Variants in WDFY3 observed in about 807,000 individuals in gnomAD.
WDFY3 encodes the protein WD repeat and FYVE domain containing 3, also known as WD repeat and FYVE domain-containing protein 3.
In WDFY3, 66 loss-of-function variants were observed where a neutral mutation model predicts 409.6. The ratio of observed to expected loss-of-function variants is 0.16; its 90% CI spans 0.13 to 0.20. The LOEUF (loss-of-function observed/expected upper bound fraction) is 0.20, where lower values mean the gene tolerates loss of function less well. Ranked by LOEUF, WDFY3 falls within the 10% of genes least tolerant of loss-of-function variation. WDFY3 has a pLI of 1.00. For synonymous variants in WDFY3, 1,521 were observed against 1,537.1 expected, an observed-to-expected ratio of 0.99 and a Z score of 0.25; for missense variants, 3,031 against 4,298.1, an observed-to-expected ratio of 0.71 and a Z score of 8.24.
intron 4 of WDFY3, among the ~76,000 whole-genome samples, chr4:84,851,503 C>T (rs1759001041): frequency 1.3e-5 from 2 of 152,018 alleles, no homozygotes; most frequent in Non-Finnish European, 2.9e-5. Flanking sequence ...TGAAGGAGAA[C>T]ATGAGAACAT....
At chr4:84,892,298 T>C (rs1765060869) in intron 3 of WDFY3, among the ~76,000 whole-genome samples, 1 of 151,886 alleles carries the variant, frequency 6.6e-6, no homozygotes. Flanking sequence ...GAATCAAAAT[T>C]CAGGCTTTAT....
chr4:84,959,708 T>C (rs1774681922), intron 1 of WDFY3, among the ~76,000 whole-genome samples: 1 of 152,158 alleles, frequency 6.6e-6, no homozygotes, highest in Admixed American at 6.5e-5. Context: ...CATGCTGAGG[T>C]TGACATGCCT....
intron 26 of WDFY3, 128 bp from the exon 27 acceptor site, chr4:84,778,783 C>T (rs2149470622): frequency 3.9e-6 from 3 of 772,576 alleles, no homozygotes; most frequent in Non-Finnish European, 5.5e-6. Context: ...ACACAGAATC[C>T]TATGTAGATG....
chr4:84,784,891 T>TATATATATATAC (rs1238884117), intron 24 of WDFY3, among the ~76,000 whole-genome samples: 52 of 36,920 alleles, frequency 1.4e-3, no homozygotes, highest in Non-Finnish European at 2.7e-3. Context: ...TATATATATA[T>TATATATATATAC]ACACACACAC....
At chr4:84,725,401 T>G (rs1735498299) in intron 45 of WDFY3, among the ~76,000 whole-genome samples, 1 of 152,188 alleles carries the variant, frequency 6.6e-6, no homozygotes, top group Admixed American at 6.5e-5. Context: ...ACATGATACA[T>G]GAACATTTCT....
chr4:84,742,091 A>T (rs1738536776), intron 37 of WDFY3, among the ~76,000 whole-genome samples, 170 bp from the exon 38 acceptor site: 1 of 152,242 alleles, frequency 6.6e-6, no homozygotes, highest in Non-Finnish European at 1.5e-5. Context: ...AATGGCCAGA[A>T]ATCAGGATAA....
intron 18 of WDFY3, among the ~76,000 whole-genome samples, chr4:84,797,357 T>G (rs1749638338): frequency 6.6e-6 from 1 of 152,062 alleles, no homozygotes; most frequent in Non-Finnish European, 1.5e-5. Flanking sequence ...CTAAACAGAT[T>G]GTCATTATCT....
intron 1 of WDFY3, among the ~76,000 whole-genome samples, chr4:84,938,914 T>C (rs1360377448): frequency 3.3e-5 from 5 of 152,194 alleles, no homozygotes; most frequent in African/African-American, 9.6e-5. Context: ...ATACTTTCTC[T>C]TATAAGGAAA....
intron 16 of WDFY3, among the ~76,000 whole-genome samples, chr4:84,802,992 T>G (rs1750882151): frequency 6.6e-6 from 1 of 152,214 alleles, no homozygotes; most frequent in Non-Finnish European, 1.5e-5. Context: ...CCTTCTGTAT[T>G]ATTCGTTAGC....
chr4:84,821,834 T>C (rs1387524710), intron 10 of WDFY3, among the ~76,000 whole-genome samples: 2 of 152,212 alleles, frequency 1.3e-5, no homozygotes, highest in South Asian at 2.1e-4. Context: ...CATATTATTA[T>C]AAACATCCAT....
At chr4:84,869,009 A>T (rs1761815630) in intron 3 of WDFY3, among the ~76,000 whole-genome samples, 1 of 152,248 alleles carries the variant, frequency 6.6e-6, no homozygotes, top group African/African-American at 2.4e-5. Flanking sequence ...ATGTGACTGC[A>T]TAATACTGAC....
chr4:84,693,580 G>A (rs996107133), intron 58 of WDFY3, among the ~76,000 whole-genome samples: 3 of 152,108 alleles, frequency 2.0e-5, no homozygotes, highest in East Asian at 1.9e-4. Context: ...GTGCTACATC[G>A]TCATTCTGTA....
chr4:84,833,037 G>C (rs1464605815), intron 7 of WDFY3, among the ~76,000 whole-genome samples: 1 of 151,732 alleles, frequency 6.6e-6, no homozygotes, highest in African/African-American at 2.4e-5. Context: ...TTTAAATCTA[G>C]TTGCCAAAAA....
At chr4:84,814,105 T>C (rs1003053712) in intron 13 of WDFY3, among the ~76,000 whole-genome samples, 2 of 152,158 alleles carry the variant, frequency 1.3e-5, no homozygotes, top group African/African-American at 4.8e-5. Context: ...TGTAGGAAAC[T>C]AGTATATGCC....
Position 84,740,305 on chromosome 4 carries a change from G to C in WDFY3, c.6346C>G (p.Leu2116Val). 6.2e-7 allele frequency: 1 copy of C among 1,614,082 alleles called. No homozygotes were observed. Among genetic ancestry groups the C allele is most frequent in the Non-Finnish European group, 8.5e-7 (1 of 1,180,016 alleles). The change falls in exon 39 of 68, where the codon CTG becomes GTG. Residue 2116 changes from leucine to valine, a missense_variant. By Grantham distance (32) the Leu-to-Val change is conservative (BLOSUM62 1). Around this residue, in one of 16 missense-constraint regions of WDFY3, gnomAD observed 314 missense variants for 397.4 expected, o/e 0.79. Transcript: ENST00000295888. ...GTGAGGACCCTGAGTGAATCAAGCA[G>C]AGCTACTTGCTGAGGAACGGTTTTG... is the stretch of plus-strand genomic sequence containing the variant. ...AHKTVPQQVALLDSLRVLTVN... is the reference protein window; with the variant it reads ...AHKTVPQQVAVLDSLRVLTVN...
intron 53 of WDFY3, 42 bp from the exon 54 acceptor site, chr4:84,705,553 T>G (rs1392635771): frequency 1.4e-6 from 2 of 1,477,632 alleles, no homozygotes; most frequent in Non-Finnish European, 1.9e-6. Context: ...TACTATACAC[T>G]ATCTAGCCTC....
At chr4:84,828,459 T>C (rs1236851216) in intron 9 of WDFY3, among the ~76,000 whole-genome samples, 1 of 152,192 alleles carries the variant, frequency 6.6e-6, no homozygotes, top group African/African-American at 2.4e-5. Flanking sequence ...AAGAAGATAT[T>C]AATTAGTTTA....
chr4:84,803,370 C>T lies in WDFY3; in HGVS notation c.2527G>A (p.Asp843Asn). ...HVTTSSLQSS[D>N]AVIIHPGAML... ...GCTCCAGGATGAATGATGACTGCAT[C>T]AGAACTCTGCAGAGATGAAGTTGTC... Residue 843 changes from aspartate (D) to asparagine (N), a missense_variant, in exon 16 of 68, where the codon GAT becomes AAT. Asp to Asn is a conservative substitution (Grantham distance 23). Around this residue, in one of 16 missense-constraint regions of WDFY3, gnomAD observed 1,322 missense variants for 1,697.9 expected, o/e 0.78. Coordinates refer to ENST00000295888, the MANE Select transcript of WDFY3 (RefSeq NM_014991.6). 3.1e-6 allele frequency: 5 copies of T among 1,614,078 alleles called. No homozygotes were observed. The highest frequency in any genetic ancestry group is 4.2e-6 in the Non-Finnish European group (5 of 1,180,012).
intron 2 of WDFY3, among the ~76,000 whole-genome samples, chr4:84,899,103 C>T (rs1320382146): frequency 2.0e-5 from 3 of 152,182 alleles, no homozygotes; most frequent in Non-Finnish European, 4.4e-5. Context: ...GATTTAAAAA[C>T]TTAGCAACTC....
Sources: allele counts gnomAD v4.1 joint callset (sites outside exome capture counted in the v4.1 genomes callset), GRCh38; gene constraint gnomAD v4.1.1; regional missense constraint gnomAD v4.1.1; transcripts MANE v1.5; gene names NCBI Gene and HGNC (gene_info 2026-07-23, HGNC 2026-07-21).